The following NCKAP5 variants were observed in gnomAD, a reference collection of about 807,000 sequenced individuals.
The protein encoded by NCKAP5 is NCK associated protein 5.
A neutral mutation model predicts 167.0 loss-of-function variants in NCKAP5; 92 were observed. The ratio of observed to expected loss-of-function variants is 0.55; its 90% CI spans 0.47 to 0.66. The LOEUF is 0.66. Among genes scored for constraint, NCKAP5 ranks in the 30% least tolerant of loss-of-function variants. The probability of loss-of-function intolerance (pLI) is 0.00; values close to 1 mark genes in which losing one functional copy is unlikely to be tolerated. For synonymous variants in NCKAP5, 891 were observed against 877.4 expected (o/e 1.02, Z -0.27); for missense variants, 2,378 against 2,315.0 (o/e 1.03, Z -0.56).
chr2:133,651,058 C>A, the NCKAP5 span, among the ~76,000 whole-genome samples: 1 of 152,108 alleles, frequency 6.6e-6, no homozygotes, highest in Non-Finnish European at 1.5e-5. Context: ...AAACGTAAGA[C>A]CTGAAACTGT....
chr2:133,295,767 C>T (rs1323596573), intron 4 of NCKAP5, among the ~76,000 whole-genome samples: 1 of 152,162 alleles, frequency 6.6e-6, no homozygotes, highest in Non-Finnish European at 1.5e-5. Flanking sequence ...GTCGACAGTG[C>T]CTTGGTTGAG....
intron 5 of NCKAP5, among the ~76,000 whole-genome samples, chr2:133,205,018 G>C (rs1385135715): frequency 6.6e-6 from 1 of 152,128 alleles, no homozygotes; most frequent in Non-Finnish European, 1.5e-5. Context: ...GCCAGGCATG[G>C]TGGCTCACAC....
chr2:132,704,036 C>A (rs934761181), intron 19 of NCKAP5, among the ~76,000 whole-genome samples: 1 of 152,164 alleles, frequency 6.6e-6, no homozygotes, highest in African/African-American at 2.4e-5. Context: ...TCTCCTGCCC[C>A]TGAAACCCTT....
intron 3 of NCKAP5, chr2:133,433,384 T>C (rs890604991): frequency 5.3e-5 from 8 of 152,220 alleles, no homozygotes; most frequent in African/African-American, 1.9e-4. Context: ...CTCAAGAGAA[T>C]GACAGGAACT....
intron 6 of NCKAP5, among the ~76,000 whole-genome samples, chr2:133,120,048 C>T (rs1265884717): frequency 2.6e-5 from 4 of 151,964 alleles, no homozygotes; most frequent in Non-Finnish European, 5.9e-5. Context: ...ACTGCTAAAG[C>T]GGTTACAGAA....
At chr2:133,458,251 A>C (rs916330523) in intron 3 of NCKAP5, among the ~76,000 whole-genome samples, 1 of 152,192 alleles carries the variant, frequency 6.6e-6, no homozygotes, top group African/African-American at 2.4e-5. Context: ...AGGAGAGAAT[A>C]AGGTGCTAAT....
chr2:133,550,711 C>CGTG (rs1687214637), intron 2 of NCKAP5, among the ~76,000 whole-genome samples: 1 of 127,774 alleles, frequency 7.8e-6, no homozygotes, highest in Admixed American at 8.3e-5. Flanking sequence ...CCTCTCTCAC[C>CGTG]ACTCCTATTC....
At chr2:133,457,102 G>A (rs1347257052) in intron 3 of NCKAP5, among the ~76,000 whole-genome samples, 3 of 152,182 alleles carry the variant, frequency 2.0e-5, no homozygotes, top group Non-Finnish European at 4.4e-5. Flanking sequence ...AAGGGGACTT[G>A]AGAGGTACAT....
chr2:133,470,062 G>T (rs548537142), intron 3 of NCKAP5, among the ~76,000 whole-genome samples: 1 of 152,206 alleles, frequency 6.6e-6, no homozygotes, highest in Admixed American at 6.5e-5. Context: ...GAGGAACTGC[G>T]TTCCTTTGGA....
chr2:133,552,989 A>T (rs1442378988), intron 2 of NCKAP5, among the ~76,000 whole-genome samples: 1 of 152,160 alleles, frequency 6.6e-6, no homozygotes, highest in Non-Finnish European at 1.5e-5. Context: ...TTGTCAGGGA[A>T]ACAAGATTCA....
chr2:133,305,962 A>C (rs1324681106), intron 3 of NCKAP5, among the ~76,000 whole-genome samples: 1 of 152,258 alleles, frequency 6.6e-6, no homozygotes, highest in African/African-American at 2.4e-5. Flanking sequence ...TTGTTAAGTG[A>C]AATTGTTTTT....
At chr2:133,608,912 C>T in the NCKAP5 span, among the ~76,000 whole-genome samples, 1 of 152,320 alleles carries the variant, frequency 6.6e-6, no homozygotes. Flanking sequence ...GGTCCCAGAC[C>T]AACCACACTG....
chr2:133,586,616 T>C, the NCKAP5 span, among the ~76,000 whole-genome samples: 2 of 152,326 alleles, frequency 1.3e-5, no homozygotes, highest in Admixed American at 1.3e-4. Flanking sequence ...TGGAGGATGC[T>C]GGCTAGTCCA....
chr2:132,907,976 A>T (rs887680602), intron 8 of NCKAP5, among the ~76,000 whole-genome samples: 1 of 152,122 alleles, frequency 6.6e-6, no homozygotes, highest in Non-Finnish European at 1.5e-5. Context: ...ATCATTCTTT[A>T]TAAAGCCTCA....
intron 7 of NCKAP5, among the ~76,000 whole-genome samples, chr2:132,985,872 A>G (rs974587215): frequency 6.6e-6 from 1 of 152,228 alleles, no homozygotes; most frequent in African/African-American, 2.4e-5. Flanking sequence ...ACAGACATAA[A>G]TAAAAGCTCT....
chr2:133,377,908 G>A (rs1442200823), intron 3 of NCKAP5, among the ~76,000 whole-genome samples: 1 of 152,136 alleles, frequency 6.6e-6, no homozygotes, highest in Non-Finnish European at 1.5e-5. Context: ...TCCACACAGG[G>A]AGCAGTCTAA....
chr2:133,010,515 T>A (rs2078123118), intron 6 of NCKAP5, among the ~76,000 whole-genome samples: 1 of 152,240 alleles, frequency 6.6e-6, no homozygotes, highest in Admixed American at 6.5e-5. Context: ...CTCATTATAA[T>A]CCATGTATTT....
At chr2:133,015,165 G>A (rs2078286644) in intron 6 of NCKAP5, among the ~76,000 whole-genome samples, 1 of 152,032 alleles carries the variant, frequency 6.6e-6, no homozygotes, top group South Asian at 2.1e-4. Flanking sequence ...TGGTAAGAAT[G>A]CTACATAAAT....
the NCKAP5 span, among the ~76,000 whole-genome samples, chr2:133,639,867 G>A: frequency 2.0e-5 from 3 of 152,088 alleles, no homozygotes; most frequent in East Asian, 1.9e-4. Context: ...CCATCAATAG[G>A]AGAGTGTAAA....
Sources: gnomAD v4.1 joint callset for allele counts (sites outside exome capture counted in the v4.1 genomes callset) on GRCh38, gnomAD v4.1.1 for gene constraint, MANE v1.5 for transcripts, NCBI Gene and HGNC (gene_info 2026-07-23, HGNC 2026-07-21) for gene names.